Variants in SGCZ observed in about 807,000 individuals in gnomAD.
SGCZ encodes the protein zeta-sarcoglycan.
A neutral mutation model predicts 41.3 loss-of-function variants in SGCZ; 40 were observed. That is an observed-to-expected ratio of 0.97 (90% CI 0.75 to 1.26). The LOEUF (loss-of-function observed/expected upper bound fraction) is 1.26, where lower values mean the gene tolerates loss of function less well. Ranked by LOEUF, SGCZ falls within the 50% of genes most tolerant of loss-of-function variation. SGCZ has a pLI of 0.00. For missense variants in SGCZ, 552 were observed against 369.8 expected (o/e 1.49, Z -4.04); for synonymous variants, 206 against 137.5 (o/e 1.50, Z -3.49).
In SGCZ at chr8:14,327,965, G is replaced by T. The variant is rs1328283223; in HGVS notation, c.235-3761C>A. On this transcript the variant is annotated intron_variant, in intron 2 of 7. Coordinates refer to ENST00000382080, the MANE Select transcript of SGCZ (RefSeq NM_139167.4). ...CCAGATAACTTTTGTACTTTTAGTA[G>T]AGACAGGGTTTCACCATGCTGGACA... 4.6e-5 allele frequency among the ~76,000 whole-genome samples: 7 copies of T among 152,244 alleles called. No individual in the cohort carries two copies. The East Asian group carries it at 1.4e-3, about 29-fold the overall frequency.
intron 5 of SGCZ, among the ~76,000 whole-genome samples, chr8:14,161,808 G>T (rs1326041401): frequency 6.6e-6 from 1 of 152,010 alleles, no homozygotes. Flanking sequence ...GACAGAGAAA[G>T]AAATGAAAAG....
chr8:15,023,095 C>T (rs1803317491), intron 1 of SGCZ, among the ~76,000 whole-genome samples: 1 of 152,172 alleles, frequency 6.6e-6, no homozygotes. Context: ...TTATTTCTTC[C>T]TGCTGCCAGC....
At chr8:14,713,392 G>A (rs920317880) in intron 1 of SGCZ, among the ~76,000 whole-genome samples, 2 of 152,064 alleles carry the variant, frequency 1.3e-5, no homozygotes, top group African/African-American at 4.8e-5. Context: ...GTAATTTAAG[G>A]AGATGTCCCA....
intron 2 of SGCZ, among the ~76,000 whole-genome samples, chr8:14,333,391 T>C (rs1802404186): frequency 6.6e-6 from 1 of 152,168 alleles, no homozygotes; most frequent in African/African-American, 2.4e-5. Flanking sequence ...AATTGCCATC[T>C]GTAAGTAGGG....
chr8:15,192,036 T>A (rs963715781), intron 1 of SGCZ, among the ~76,000 whole-genome samples: 2 of 152,106 alleles, frequency 1.3e-5, no homozygotes, highest in Non-Finnish European at 2.9e-5. Flanking sequence ...TTAAATGAGT[T>A]AATATTTAGC....
chr8:14,291,348 T>G (rs1427137055), intron 3 of SGCZ, among the ~76,000 whole-genome samples: 2 of 151,542 alleles, frequency 1.3e-5, no homozygotes, highest in Admixed American at 1.3e-4. Context: ...GTGATAGATA[T>G]GCTAATTACC....
intron 1 of SGCZ, among the ~76,000 whole-genome samples, chr8:14,737,880 C>A (rs942982274): frequency 4.6e-5 from 7 of 152,034 alleles, no homozygotes; most frequent in Admixed American, 2.0e-4. Context: ...GAGTTTATTT[C>A]ATAAAAGGTA....
At chr8:15,136,333 T>C (rs924196619) in intron 1 of SGCZ, among the ~76,000 whole-genome samples, 1 of 152,062 alleles carries the variant, frequency 6.6e-6, no homozygotes, top group African/African-American at 2.4e-5. Flanking sequence ...GATGGCATTC[T>C]AGTGATAGGA....
intron 1 of SGCZ, among the ~76,000 whole-genome samples, chr8:14,826,475 T>C (rs1444620935): frequency 6.6e-6 from 1 of 152,058 alleles, no homozygotes; most frequent in African/African-American, 2.4e-5. Flanking sequence ...GGTCAAATGG[T>C]ATTTCTAGTT....
chr8:14,286,448 T>C (rs1322751357), intron 3 of SGCZ, among the ~76,000 whole-genome samples: 2 of 143,856 alleles, frequency 1.4e-5, no homozygotes, highest in African/African-American at 2.4e-5. Context: ...ACAAAGAAGT[T>C]CCCTTCTCAC....
chr8:14,822,441 C>A (rs1585292081), intron 1 of SGCZ, among the ~76,000 whole-genome samples: 1 of 152,032 alleles, frequency 6.6e-6, no homozygotes, highest in African/African-American at 2.4e-5. Flanking sequence ...TAATGCAATG[C>A]CTATCAAAAT....
At chr8:14,451,544 T>C (rs1183679859) in intron 2 of SGCZ, among the ~76,000 whole-genome samples, 1 of 152,142 alleles carries the variant, frequency 6.6e-6, no homozygotes, top group Non-Finnish European at 1.5e-5. Flanking sequence ...AATCAAGAGA[T>C]TGAGAATACA....
At chr8:14,133,987 A>C (rs1438659523) in intron 5 of SGCZ, among the ~76,000 whole-genome samples, 2 of 152,194 alleles carry the variant, frequency 1.3e-5, no homozygotes, top group African/African-American at 2.4e-5. Flanking sequence ...TCCTATTTCA[A>C]ATTGATCCAC....
rs917063027 is a variant in SGCZ at position 14,822,246 on chromosome 8, CA to C, written c.40-267321del. Among the ~76,000 whole-genome samples, 8 of 151,332 alleles carry C rather than the reference CA, an allele frequency of 5.3e-5. 1 individual carries two copies. Among genetic ancestry groups the C allele is most frequent in the East Asian group, 3.9e-4 (2 of 5,150 alleles). ...AAAACAATTTCATTTCTGATAGCTA[CA>C]AAAAAAATGATAGCTAAGAATAAAC... On this transcript the variant is annotated intron_variant, in intron 1 of 7. Coordinates refer to ENST00000382080, the MANE Select transcript of SGCZ (RefSeq NM_139167.4).
intron 5 of SGCZ, among the ~76,000 whole-genome samples, chr8:14,149,899 A>C (rs897535095): frequency 6.6e-6 from 1 of 152,154 alleles, no homozygotes; most frequent in African/African-American, 2.4e-5. Flanking sequence ...CATTTTCAAC[A>C]AAGGTGCCAA....
intron 2 of SGCZ, among the ~76,000 whole-genome samples, chr8:14,356,108 G>A (rs1185845179): frequency 6.6e-6 from 1 of 152,158 alleles, no homozygotes; most frequent in East Asian, 1.9e-4. Context: ...ACACCAGAGT[G>A]GACAAGCAAT....
At chr8:14,455,417 T>A (rs144787153) in intron 2 of SGCZ, among the ~76,000 whole-genome samples, 1 of 151,198 alleles carries the variant, frequency 6.6e-6, no homozygotes, top group African/African-American at 2.4e-5. Context: ...GTAGAAATGA[T>A]CATCAGCCTC....
rs140244316 is a variant in SGCZ at position 15,110,373 on chromosome 8, A to G, written c.39+127212T>C. 5.4e-4 allele frequency among the ~76,000 whole-genome samples: 82 copies of G among 152,330 alleles called. No homozygotes were observed. In the East Asian group the frequency reaches 0.015, roughly 29 times the overall value. The stretch of plus-strand genomic sequence containing the variant: ...GTAAGCTCATAAAATTATGTTCACA[A>G]TGATCATCTGGTCGTTCCTATAAGA... On this transcript the variant is annotated intron_variant, in intron 1 of 7. Coordinates refer to ENST00000382080, the MANE Select transcript of SGCZ (RefSeq NM_139167.4).
intron 2 of SGCZ, among the ~76,000 whole-genome samples, chr8:14,376,027 T>A (rs1178265876): frequency 2.0e-5 from 3 of 152,022 alleles, no homozygotes; most frequent in Non-Finnish European, 4.4e-5. Context: ...AAAACTACAA[T>A]GGAAAGCCAG....
Sources: allele counts gnomAD v4.1 joint callset (sites outside exome capture counted in the v4.1 genomes callset), GRCh38; gene constraint gnomAD v4.1.1; transcripts MANE v1.5; gene names NCBI Gene and HGNC (gene_info 2026-07-23, HGNC 2026-07-21).